CRAMP1: variants seen among roughly 807,000 people sequenced by gnomAD.
The protein encoded by CRAMP1 is protein cramped-like.
Under a neutral mutation model 115.4 loss-of-function variants are expected in CRAMP1, and 50 were observed. The ratio of observed to expected loss-of-function variants is 0.43; its 90% CI spans 0.35 to 0.55. CRAMP1 has a LOEUF of 0.55. Ranked by LOEUF, CRAMP1 falls within the 20% of genes least tolerant of loss-of-function variation. The probability of loss-of-function intolerance (pLI) is 0.01; values close to 1 mark genes in which losing one functional copy is unlikely to be tolerated. For synonymous variants in CRAMP1, 866 were observed against 745.4 expected (o/e 1.16, Z -2.64); for missense variants, 1,679 against 1,721.7 (o/e 0.98, Z 0.44).
rs2036814833 is a variant in CRAMP1, at chr16:1,660,070, C to G, written c.2413+7C>G. On this transcript the variant is annotated splice_region_variant and intron_variant, in intron 11 of 20. Transcript: ENST00000397412. ...TCTGCACCCTGCTCCTCAGGTGAGG[C>G]TGTGGCAGCCACACTCCTTGTGCCT... 6.5e-7 allele frequency: 1 copy of G among 1,543,718 alleles called. No individual in the cohort carries two copies.
intron 2 of CRAMP1, among the ~76,000 whole-genome samples, chr16:1,615,710 A>G (rs2036413066): frequency 1.3e-5 from 2 of 152,350 alleles, no homozygotes; most frequent in African/African-American, 2.4e-5. Flanking sequence ...TCCATGTGCC[A>G]GTGCTTCATT....
chr16:1,614,900 G>A lies in CRAMP1; in HGVS notation c.261G>A (p.Val87=), dbSNP rs2036404260. 1 of 1,326,294 alleles carries A rather than the reference G, an allele frequency of 7.5e-7. No homozygotes were observed. The highest frequency in any genetic ancestry group is 3.1e-5 in the East Asian group (1 of 32,740). 82.2% of individuals were successfully genotyped at this position (1,326,294 alleles called of 1,614,324 possible). Residue 87 remains valine (V), a synonymous_variant, in exon 2 of 21, where the codon GTG becomes GTA. Coordinates refer to ENST00000397412, the MANE Select transcript of CRAMP1 (RefSeq NM_020825.4). This position sits in a 1 kb window ranked among gnomAD's most constrained non-coding sequence, Gnocchi z 4.4. The part of the protein sequence containing the change: ...QDQHHFLRSS[V]RPQSKRPRKD... ...AGCACCACTTCCTCCGGTCCAGCGT[G>A]CGGCCGCAGAGCAAGAGGCCCAGGA...
intron 10 of CRAMP1, among the ~76,000 whole-genome samples, chr16:1,657,216 C>T (rs1024160829): frequency 6.6e-5 from 10 of 152,224 alleles, no homozygotes; most frequent in Non-Finnish European, 1.3e-4. Flanking sequence ...ACTTTCCTCT[C>T]CCTCGAGGAG....
chr16:1,616,128 G>C (rs1259054423), intron 2 of CRAMP1, among the ~76,000 whole-genome samples: 1 of 152,198 alleles, frequency 6.6e-6, no homozygotes, highest in Admixed American at 6.5e-5. Flanking sequence ...AACTTAGCAT[G>C]TTTCAGAATT....
intron 12 of CRAMP1, 24 bp from the exon 13 acceptor site, chr16:1,662,737 G>T: frequency 6.2e-7 from 1 of 1,613,770 alleles, no homozygotes; most frequent in Non-Finnish European, 8.5e-7. Flanking sequence ...GCACCTTCAG[G>T]TGCCGGACGC....
At chr16:1,649,226 G>C (rs73499786) in intron 6 of CRAMP1, among the ~76,000 whole-genome samples, 3,537 of 152,244 alleles carry the variant, frequency 0.023, 160 homozygotes, top group African/African-American at 0.08. Flanking sequence ...CCAAGGCTCA[G>C]CTCTGTCCTT....
At chr16:1,623,262 C>T (rs538816612) in intron 2 of CRAMP1, among the ~76,000 whole-genome samples, 1 of 152,252 alleles carries the variant, frequency 6.6e-6, no homozygotes, top group Non-Finnish European at 1.5e-5. Flanking sequence ...GTGGCCTGCT[C>T]CTCTGAGGAG....
At chr16:1,643,927 C>G (rs1255562082) in intron 6 of CRAMP1, among the ~76,000 whole-genome samples, 1 of 152,232 alleles carries the variant, frequency 6.6e-6, no homozygotes, top group Non-Finnish European at 1.5e-5. Flanking sequence ...GGCGGTGGGC[C>G]TGTCAGCAGG....
intron 14 of CRAMP1, 175 bp from the exon 15 acceptor site, chr16:1,665,898 G>T: frequency 1.7e-6 from 1 of 596,704 alleles, no homozygotes; most frequent in South Asian, 2.0e-5. Flanking sequence ...CACGTTGGGG[G>T]CCTGTGTGAC....
chr16:1,660,838 C>G (rs1390731681), intron 11 of CRAMP1, among the ~76,000 whole-genome samples: 1 of 152,042 alleles, frequency 6.6e-6, no homozygotes, highest in African/African-American at 2.4e-5. Flanking sequence ...GAAACCCTGT[C>G]TCTACTAAAA....
At chr16:1,673,223 C>A (rs1222211873) in intron 20 of CRAMP1, among the ~76,000 whole-genome samples, 17 of 150,868 alleles carry the variant, frequency 1.1e-4, no homozygotes, top group Non-Finnish European at 2.4e-4. Flanking sequence ...CCCACCTGTC[C>A]TCATGTCTGT....
chr16:1,619,846 C>T (rs1387292095), intron 2 of CRAMP1, among the ~76,000 whole-genome samples: 6 of 152,164 alleles, frequency 3.9e-5, no homozygotes, highest in Admixed American at 2.6e-4. Flanking sequence ...GCTTCAGAAC[C>T]TGGAAGAGGA....
chr16:1,617,927 G>T (rs566771483), intron 2 of CRAMP1, among the ~76,000 whole-genome samples: 1 of 152,236 alleles, frequency 6.6e-6, no homozygotes, highest in Non-Finnish European at 1.5e-5. Flanking sequence ...AGAACCTGAA[G>T]TAGATTGTTT....
intron 6 of CRAMP1, among the ~76,000 whole-genome samples, chr16:1,643,839 G>T (rs2036652831): frequency 6.6e-6 from 1 of 152,262 alleles, no homozygotes; most frequent in African/African-American, 2.4e-5. Flanking sequence ...CCAGAAGGCG[G>T]CATGGCTGAA....
rs2036875593 is a variant in CRAMP1, at chr16:1,666,315, C to T, written c.2858-107C>T. ...ACCAAGAACATCTAAGCCCTTGGCT[C>T]TTGCATTGACATGAGGTGCGAGGGA... On this transcript the variant is annotated intron_variant, in intron 15 of 20. Coordinates refer to ENST00000397412, the MANE Select transcript of CRAMP1 (RefSeq NM_020825.4). The surrounding 1 kb of genome is among the most constrained non-coding windows in gnomAD (Gnocchi z 5.0). The T allele has an allele frequency of 1.6e-6, 2 of 1,233,086 alleles. No homozygotes were observed. The highest frequency in any genetic ancestry group is 1.5e-5 in the African/African-American group (1 of 66,566). 76.4% of individuals were successfully genotyped at this position (1,233,086 alleles called of 1,614,324 possible).
chr16:1,624,470 G>A (rs2036492129), intron 2 of CRAMP1, among the ~76,000 whole-genome samples: 1 of 151,542 alleles, frequency 6.6e-6, no homozygotes, highest in Non-Finnish European at 1.5e-5. Flanking sequence ...CTGGAGTGCA[G>A]TGGTGCGATC....
intron 4 of CRAMP1, among the ~76,000 whole-genome samples, chr16:1,632,711 G>A (rs1032164089): frequency 6.6e-6 from 1 of 152,260 alleles, no homozygotes; most frequent in Admixed American, 6.5e-5. Flanking sequence ...CCATGGTCCA[G>A]CGAGGGGCTT....
At chr16:1,661,593 ATTTTT>A (rs1307504814) in intron 11 of CRAMP1, among the ~76,000 whole-genome samples, 1 of 127,664 alleles carries the variant, frequency 7.8e-6, no homozygotes. Flanking sequence ...CTATGAAAGA[ATTTTT>A]TTTTTTTTTT....
intron 6 of CRAMP1, among the ~76,000 whole-genome samples, chr16:1,643,679 G>A (rs1431781763): frequency 1.2e-4 from 18 of 152,252 alleles, no homozygotes; most frequent in Admixed American, 1.2e-3. Context: ...GGCAGCAGGT[G>A]CGTGGACAGC....
Sources: allele counts gnomAD v4.1 joint callset (sites outside exome capture counted in the v4.1 genomes callset), GRCh38; gene constraint gnomAD v4.1.1; non-coding constraint Gnocchi (gnomAD v3.1); transcripts MANE v1.5; gene names NCBI Gene and HGNC (gene_info 2026-07-23, HGNC 2026-07-21).